NPIPB2: variants seen among roughly 807,000 people sequenced by gnomAD.
The protein encoded by NPIPB2 is nuclear pore complex interacting protein family member B2.
Under a neutral mutation model 30.8 loss-of-function variants are expected in NPIPB2, and 27 were observed. The ratio of observed to expected loss-of-function variants is 0.88; its 90% CI spans 0.65 to 1.21. The LOEUF (loss-of-function observed/expected upper bound fraction) is 1.21, where lower values mean the gene tolerates loss of function less well. NPIPB2 is among the 50% of genes most tolerant of loss of function. NPIPB2 has a pLI of 0.00. For synonymous variants in NPIPB2, 147 were observed against 162.0 expected (o/e 0.91, Z 0.70); for missense variants, 440 against 446.2 (o/e 0.99, Z 0.13).
intron 2 of NPIPB2, among the ~76,000 whole-genome samples, chr16:11,934,526 C>A (rs1339886118): frequency 2.1e-5 from 3 of 140,808 alleles, no homozygotes; most frequent in African/African-American, 8.2e-5. Flanking sequence ...GCACTCCAAC[C>A]TGGGCAACAA....
chr16:11,972,493 T>C (rs527460589), intron 1 of NPIPB2, among the ~76,000 whole-genome samples: 14 of 152,120 alleles, frequency 9.2e-5, no homozygotes, highest in African/African-American at 3.1e-4. Context: ...AAGAATCACC[T>C]GAACCTGGGA....
At chr16:11,941,230 C>A in intron 1 of NPIPB2, 1 of 1,525,954 alleles carries the variant, frequency 6.6e-7, no homozygotes. Flanking sequence ...AAAGAGCATC[C>A]ACAGCACCCG....
intron 4 of NPIPB2, among the ~76,000 whole-genome samples, chr16:11,932,827 G>A (rs371280951): frequency 2.7e-4 from 37 of 134,898 alleles, no homozygotes; most frequent in Middle Eastern, 4.3e-3. Context: ...CAAATGTGGT[G>A]GCACACACCT....
intron 1 of NPIPB2, chr16:11,956,222 C>G (rs1244585253): frequency 6.6e-6 from 1 of 152,244 alleles, no homozygotes; most frequent in Non-Finnish European, 1.5e-5. Context: ...GGCAGGGAAA[C>G]TGAATTGCTC....
At position 11,955,803 on chromosome 16, in the gene NPIPB2, A is replaced by G. The variant is rs371911220; in HGVS notation, c.-583-13689T>C. On this transcript the variant is annotated intron_variant, in intron 1 of 5. Coordinates refer to the NPIPB2 transcript ENST00000538896. Reference sequence around the variant, plus strand: ...GATAGTGGCAATGGAAAGTTACCCAATGATGCTTCTTGGGAAGCCTTCCAC... The same window carrying G: ...GATAGTGGCAATGGAAAGTTACCCAGTGATGCTTCTTGGGAAGCCTTCCAC... 5.7e-4 allele frequency among the ~76,000 whole-genome samples: 86 copies of G among 151,070 alleles called. 2 individuals are homozygous for G. The highest frequency in any genetic ancestry group is 1.8e-3 in the African/African-American group (75 of 41,014).
chr16:11,955,424 T>C (rs150157909), intron 1 of NPIPB2, among the ~76,000 whole-genome samples: 5 of 149,684 alleles, frequency 3.3e-5, no homozygotes, highest in African/African-American at 1.2e-4. Context: ...AAATTTGCCA[T>C]TCTGGCCAGG....
At chr16:11,973,012 T>C (rs2055245125) in intron 1 of NPIPB2, among the ~76,000 whole-genome samples, 1 of 151,300 alleles carries the variant, frequency 6.6e-6, no homozygotes, top group South Asian at 2.1e-4. Context: ...AGTATAAAAT[T>C]AGCCGGGCGC....
chr16:11,946,632 A>C (rs531819993), upstream of NPIPB2, among the ~76,000 whole-genome samples: 73 of 152,252 alleles, frequency 4.8e-4, no homozygotes, highest in African/African-American at 1.7e-3. Context: ...CTAATACTCA[A>C]AAAGAGAATA....
intron 1 of NPIPB2, among the ~76,000 whole-genome samples, chr16:11,959,655 A>G (rs2055139972): frequency 6.6e-6 from 1 of 152,086 alleles, no homozygotes; most frequent in African/African-American, 2.4e-5. Flanking sequence ...ATGAAAAGTG[A>G]GTCTTTTTCT....
At chr16:11,973,350 T>C (rs1323981814) in intron 1 of NPIPB2, among the ~76,000 whole-genome samples, 1 of 152,120 alleles carries the variant, frequency 6.6e-6, no homozygotes, top group East Asian at 1.9e-4. Context: ...ATTTTATTTT[T>C]GGTTTATAGC....
chr16:11,962,414 C>G (rs1161642014), intron 1 of NPIPB2, among the ~76,000 whole-genome samples: 1 of 151,548 alleles, frequency 6.6e-6, no homozygotes, highest in African/African-American at 2.4e-5. Context: ...CGAGACCATC[C>G]TGGCTAAGAT....
chr16:11,943,614 A>C (rs1427703442), upstream of NPIPB2, among the ~76,000 whole-genome samples: 1 of 151,858 alleles, frequency 6.6e-6, no homozygotes, highest in Non-Finnish European at 1.5e-5. Flanking sequence ...AGGCAGGACA[A>C]TCCCTTGAAC....
chr16:11,939,284 G>A (rs1320254293), intron 1 of NPIPB2, among the ~76,000 whole-genome samples: 19 of 151,820 alleles, frequency 1.3e-4, no homozygotes, highest in Admixed American at 8.5e-4. Flanking sequence ...AAGGTGGGCC[G>A]GGCGTGGTGG....
In NPIPB2 at chr16:11,927,471, G is replaced by A. The variant is rs766685928; in HGVS notation, c.1096C>T (p.Pro366Ser). 6 of 1,212,696 alleles carry A rather than the reference G, an allele frequency of 4.9e-6. No individual in the cohort carries two copies. In the East Asian group the frequency reaches 2.1e-4, roughly 42 times the overall value. The allele number at this position is 1,212,696 out of a possible 1,614,324, so 75.1% of individuals were successfully genotyped here. ...ACCTCAGCGGCCCTCCGCCTCTTGG[G>A]TTCGGGTGGTGATTCCACCTCAGCG... The change falls in exon 8 of 8, where the codon CCC (proline) becomes TCC (serine). Residue 366 changes from proline (P) to serine (S), a missense_variant. By Grantham distance (74) the Pro-to-Ser change is moderately conservative. Transcript: ENST00000399147.
intron 2 of NPIPB2, among the ~76,000 whole-genome samples, chr16:11,935,557 A>G (rs1339112418): frequency 6.6e-6 from 1 of 152,122 alleles, no homozygotes. Context: ...CAGATGATCC[A>G]TCTGCTTCAG....
At chr16:11,971,666 TG>T (rs2055236494) in intron 1 of NPIPB2, among the ~76,000 whole-genome samples, 1 of 151,976 alleles carries the variant, frequency 6.6e-6, no homozygotes, top group Admixed American at 6.6e-5. Flanking sequence ...AGCTAATTTT[TG>T]TATTTTTAGT....
At chr16:11,962,631 C>CAAAAAAAA (rs910336057) in intron 1 of NPIPB2, among the ~76,000 whole-genome samples, 2 of 117,506 alleles carry the variant, frequency 1.7e-5, no homozygotes, top group African/African-American at 3.0e-5. Context: ...AAAAAAAAAC[C>CAAAAAAAA]AAAAAAAAAG....
At chr16:11,934,476 C>A (rs2054837650) in intron 2 of NPIPB2, among the ~76,000 whole-genome samples, 1 of 150,152 alleles carries the variant, frequency 6.7e-6, no homozygotes, top group Non-Finnish European at 1.5e-5. Flanking sequence ...TCACTTGAAC[C>A]CAGCAGGAAA....
exon 1 of NPIPB2, chr16:11,976,617 C>T (rs976079417): frequency 3.7e-5 from 14 of 374,092 alleles, no homozygotes; most frequent in Middle Eastern, 7.1e-4. Flanking sequence ...ACACCGGGTC[C>T]GGCGACTTGG....
Sources: allele counts gnomAD v4.1 joint callset (sites outside exome capture counted in the v4.1 genomes callset), GRCh38; gene constraint gnomAD v4.1.1; transcripts MANE v1.5; gene names NCBI Gene and HGNC (gene_info 2026-07-23, HGNC 2026-07-21).